DDX52: variants seen among roughly 807,000 people sequenced by gnomAD.
DDX52 encodes DExD-box helicase 52.
Under a neutral mutation model 76.1 loss-of-function variants are expected in DDX52, and 59 were observed. The observed-to-expected ratio is 0.78, with a 90% CI of 0.63 to 0.96. DDX52 has a LOEUF of 0.96. Among genes scored for constraint, DDX52 ranks in the 40% least tolerant of loss-of-function variants. DDX52 has a pLI of 0.00. For missense variants in DDX52, 707 were observed against 703.9 expected (o/e 1.00, Z -0.05); for synonymous variants, 231 against 244.1 (o/e 0.95, Z 0.50).
chr17:37,620,095 G>A (rs998732942), intron 12 of DDX52: 1 of 381,394 alleles, frequency 2.6e-6, no homozygotes, highest in South Asian at 5.9e-5. Context: ...TACAAAACTG[G>A]TAAACTCAAT....
Position 37,626,087 on chromosome 17 carries a change from A to T in DDX52, c.944T>A (p.Leu315His). 6.2e-7 allele frequency: 1 copy of T among 1,614,206 alleles called. No individual in the cohort carries two copies. Among genetic ancestry groups the T allele is most frequent in the Non-Finnish European group, 8.5e-7 (1 of 1,180,034 alleles). Reference protein sequence around the residue: ...PGIDLASVEWLVVDESDKLFE... With the variant: ...PGIDLASVEWHVVDESDKLFE... ...CAGTTTATCTGATTCGTCTACTACA[A>T]GCCACTCAACACTAAGAAATAACAA... is the stretch of plus-strand genomic sequence containing the variant. The change falls in exon 8 of 15, where the codon CTT becomes CAT. Residue 315 changes from leucine (L) to histidine (H), a missense_variant. Coordinates refer to ENST00000617633, the MANE Select transcript of DDX52 (RefSeq NM_007010.5).
In DDX52 at chr17:37,630,086, C is replaced by A. The variant is rs112837836; in HGVS notation, c.691G>T (p.Ala231Ser). 6.8e-6 allele frequency: 11 copies of A among 1,613,644 alleles called. No individual in the cohort carries two copies. The highest frequency in any genetic ancestry group is 1.1e-5 in the South Asian group (1 of 91,034). Residue 231 changes from alanine (A) to serine (S), a missense_variant, in exon 5 of 15, where the codon GCA becomes TCA. Ala to Ser is a moderately conservative substitution (Grantham distance 99). Coordinates refer to ENST00000617633, the MANE Select transcript of DDX52 (RefSeq NM_007010.5). ...ATCAGGGCTCTGAAGCCTTTATTTG[C>A]GGGTTGTTTCAGCTGCATTAAAATA... ...IPILMQLKQP[A>S]NKGFRALIIS...
At chr17:37,637,491 C>G (rs990847622) in intron 2 of DDX52, among the ~76,000 whole-genome samples, 8 of 152,070 alleles carry the variant, frequency 5.3e-5, no homozygotes, top group Non-Finnish European at 8.8e-5. Flanking sequence ...AATTCCTGGC[C>G]TCAACTGATC....
At chr17:37,629,415 G>C (rs1435247026) in intron 5 of DDX52, among the ~76,000 whole-genome samples, 1 of 152,066 alleles carries the variant, frequency 6.6e-6, no homozygotes, top group Admixed American at 6.6e-5. Flanking sequence ...ACTCATGCCT[G>C]TAAGCCCTGT....
At position 37,619,849 on chromosome 17, in the gene DDX52, A is replaced by G. The variant is rs761060212; in HGVS notation, c.1578-10T>C. On this transcript the variant is annotated splice_polypyrimidine_tract_variant and intron_variant, in intron 12 of 14. Coordinates refer to ENST00000617633, the MANE Select transcript of DDX52 (RefSeq NM_007010.5). ...TATAACATTAGCAACGCTGAAAAAG[A>G]AACCCATAAACATAAACTTGTATCT... 1 of 1,612,172 alleles carries G rather than the reference A, an allele frequency of 6.2e-7. No individual in the cohort carries two copies. The highest frequency in any genetic ancestry group is 8.5e-7 in the Non-Finnish European group (1 of 1,179,484).
In DDX52 at chr17:37,618,149, C is replaced by G. The variant is rs114782053; in HGVS notation, c.1742+143G>C. On this transcript the variant is annotated intron_variant, in intron 14 of 14. Transcript: ENST00000617633. The stretch of plus-strand genomic sequence containing the variant: ...AACAAACAAATTTCCCAATTATAGG[C>G]AACCTAAAATATATTATTTTTATAA... 8.1e-4 allele frequency: 511 copies of G among 631,106 alleles called. 2 individuals are homozygous for G. In the African/African-American group the frequency reaches 9.3e-3, roughly 11 times the overall value. The allele number at this position is 631,106 out of a possible 1,614,324, so 39.1% of individuals were successfully genotyped here.
chr17:37,642,166 C>G lies in DDX52; in HGVS notation c.230G>C (p.Ser77Thr). The change falls in exon 2 of 15, where the codon AGC becomes ACC. Residue 77 changes from serine to threonine, a missense_variant. Ser to Thr is a moderately conservative substitution (Grantham distance 58). Transcript: ENST00000617633. ...KPQNGEKKEESLTERKREQSK... is the reference protein window; with the variant it reads ...KPQNGEKKEETLTERKREQSK... The stretch of plus-strand genomic sequence containing the variant: ...CTGCTCCCTCTTCCTTTCAGTTAGG[C>G]TCTCTTCTTTTTTCTCTCCATTTTG... The G allele has an allele frequency of 6.2e-7, 1 of 1,614,066 alleles. No homozygotes were observed. Among genetic ancestry groups the G allele is most frequent in the South Asian group, 1.1e-5 (1 of 91,072 alleles).
At chr17:37,631,848 T>C in intron 4 of DDX52, 1 of 500,690 alleles carries the variant, frequency 2.0e-6, no homozygotes, top group Non-Finnish European at 3.5e-6. Flanking sequence ...GTAAAATAAA[T>C]GTTGCAAGGA....
At chr17:37,620,149 A>G in intron 12 of DDX52, 1 of 290,252 alleles carries the variant, frequency 3.4e-6, no homozygotes, top group Non-Finnish European at 6.4e-6. Context: ...GCTTAAATTC[A>G]TTAAGTGAAA....
At chr17:37,638,747 A>G (rs1016928524) in intron 2 of DDX52, among the ~76,000 whole-genome samples, 1 of 150,424 alleles carries the variant, frequency 6.6e-6, no homozygotes, top group Non-Finnish European at 1.5e-5. Flanking sequence ...TACAAATAAG[A>G]AAACATGGAA....
chr17:37,641,477 G>A (rs1283764611), intron 2 of DDX52, among the ~76,000 whole-genome samples: 1 of 152,136 alleles, frequency 6.6e-6, no homozygotes, highest in Non-Finnish European at 1.5e-5. Context: ...GGTGGTTCAG[G>A]CCTGTAATCC....
chr17:37,641,820 T>C (rs2031214679), intron 2 of DDX52, among the ~76,000 whole-genome samples: 1 of 152,142 alleles, frequency 6.6e-6, no homozygotes, highest in East Asian at 1.9e-4. Flanking sequence ...GGAAGTCACT[T>C]TGTAGTATTT....
In DDX52 at chr17:37,621,397, C is replaced by T; in HGVS notation, c.1350+1G>A. Reference sequence around the variant, plus strand: ...GTTTCAAAGTATATATTTGACTTTACCTGTTGTTGTGTTCTCTCTGCATGA... The same window carrying T: ...GTTTCAAAGTATATATTTGACTTTATCTGTTGTTGTGTTCTCTCTGCATGA... On this transcript the variant is annotated splice_donor_variant, in intron 10 of 14. Coordinates refer to ENST00000617633, the MANE Select transcript of DDX52 (RefSeq NM_007010.5). LOFTEE classifies it high-confidence loss of function. 6.2e-7 allele frequency: 1 copy of T among 1,609,196 alleles called. No homozygotes were observed.
In DDX52 at chr17:37,642,140, TCTG is replaced by T. The variant is rs922865569; in HGVS notation, c.253_255del (p.Gln85del). Reference sequence around the variant, plus strand: ...GTCATCGTCTTCCTTTTTTTCTTGCTCTGCTCCCTCTTCCTTTCAGTTAGGCTC... The same window carrying T: ...GTCATCGTCTTCCTTTTTTTCTTGCTCTCCCTCTTCCTTTCAGTTAGGCTC... On this transcript the variant is annotated inframe_deletion, in exon 2 of 15. Coordinates refer to ENST00000617633, the MANE Select transcript of DDX52 (RefSeq NM_007010.5). 53 of 1,613,930 alleles carry T rather than the reference TCTG, an allele frequency of 3.3e-5. No homozygotes were observed. The highest frequency in any genetic ancestry group is 4.4e-5 in the Non-Finnish European group (52 of 1,180,020).
intron 8 of DDX52, 133 bp from the exon 9 acceptor site, chr17:37,624,567 GAATT>G (rs2030268974): frequency 2.1e-6 from 1 of 474,690 alleles, no homozygotes; most frequent in Non-Finnish European, 3.6e-6. Context: ...AATAAGTACT[GAATT>G]ATTTATACTT....
chr17:37,618,162 ATTATTT>A, intron 14 of DDX52, 124 bp downstream of exon 14: 1 of 698,244 alleles, frequency 1.4e-6, no homozygotes, highest in South Asian at 1.9e-5. Flanking sequence ...CCTAAAATAT[ATTATTT>A]TTATAACGTT....
rs747449257 is a variant in DDX52 at position 37,621,321 on chromosome 17, G to A, written c.1351-44C>T. On this transcript the variant is annotated intron_variant, in intron 10 of 14. Transcript: ENST00000617633. ...ATTAAATTGTTTTAGAATGAAAACA[G>A]GTACTTCATAAATTTAATGTCAATA... 4 of 1,593,560 alleles carry A rather than the reference G, an allele frequency of 2.5e-6. No homozygotes were observed. In the Admixed American group the frequency reaches 5.4e-5, roughly 21 times the overall value.
At chr17:37,615,341 A>G (rs1282268250) in intron 14 of DDX52, among the ~76,000 whole-genome samples, 1 of 152,172 alleles carries the variant, frequency 6.6e-6, no homozygotes, top group African/African-American at 2.4e-5. Context: ...GACAAGATTT[A>G]TATCAAGTGT....
chr17:37,643,417 C>G lies in DDX52; in HGVS notation c.4G>C (p.Asp2His), dbSNP rs2031297991. Residue 2 changes from aspartate (D) to histidine (H), a missense_variant, in exon 1 of 15, where the codon GAC becomes CAC. Asp to His is a moderately conservative substitution (Grantham distance 81, BLOSUM62 -1). Coordinates refer to ENST00000617633, the MANE Select transcript of DDX52 (RefSeq NM_007010.5). M[D>H]VHDLFRRLGA... ...AGCCGGCGAAAGAGATCGTGGACGT[C>G]CATCTTTACCCAGAAAGCGCCACAG... 6.2e-7 allele frequency: 1 copy of G among 1,613,842 alleles called. No individual in the cohort carries two copies. Among genetic ancestry groups the G allele is most frequent in the East Asian group, 2.2e-5 (1 of 44,860 alleles).
Sources: allele counts gnomAD v4.1 joint callset (sites outside exome capture counted in the v4.1 genomes callset), GRCh38; gene constraint gnomAD v4.1.1; transcripts MANE v1.5; gene names NCBI Gene and HGNC (gene_info 2026-07-23, HGNC 2026-07-21).